SIPA1L3: variants seen among roughly 807,000 people sequenced by gnomAD.
The protein encoded by SIPA1L3 is signal-induced proliferation-associated 1-like protein 3.
Under a neutral mutation model 150.1 loss-of-function variants are expected in SIPA1L3, and 59 were observed. The observed-to-expected ratio is 0.39, with a 90% CI of 0.32 to 0.49. The LOEUF is 0.49. Among genes scored for constraint, SIPA1L3 ranks in the 20% least tolerant of loss-of-function variants. SIPA1L3 has a pLI of 0.86. For synonymous variants in SIPA1L3, 1,070 were observed against 1,077.6 expected, an observed-to-expected ratio of 0.99 and a Z score of 0.14; for missense variants, 2,211 against 2,489.5, an observed-to-expected ratio of 0.89 and a Z score of 2.38.
Position 38,082,347 on chromosome 19 carries a change from C to T in SIPA1L3, c.782C>T (p.Ser261Phe), listed in dbSNP as rs767109964. The T allele has an allele frequency of 6.3e-6, 10 of 1,598,374 alleles. No individual in the cohort carries two copies. In the East Asian group the frequency reaches 2.0e-4, roughly 32 times the overall value. Reference protein sequence around the residue: ...MGGGGGAKGDSHNGQPAKDSL... With the variant: ...MGGGGGAKGDFHNGQPAKDSL... ...GGCGGCGGCGGAGCCAAGGGGGACT[C>T]CCACAACGGGCAGCCCGCCAAGGAC... Residue 261 changes from serine to phenylalanine, a missense_variant, in exon 3 of 22, where the codon TCC becomes TTC. Around this residue, in one of 5 missense-constraint regions of SIPA1L3, gnomAD observed 587 missense variants for 534.5 expected, o/e 1.10. Transcript: ENST00000222345.
At chr19:37,950,305 G>A (rs2145551199) in intron 1 of SIPA1L3, among the ~76,000 whole-genome samples, 1 of 152,222 alleles carries the variant, frequency 6.6e-6, no homozygotes, top group African/African-American at 2.4e-5. Context: ...AGCACTCAAA[G>A]TATTAGTTTT....
intron 8 of SIPA1L3, among the ~76,000 whole-genome samples, chr19:38,114,730 C>A (rs1478310840): frequency 6.6e-6 from 1 of 152,234 alleles, no homozygotes; most frequent in African/African-American, 2.4e-5. Context: ...CATTGAGCAA[C>A]TGTGCTGGGG....
At chr19:38,153,669 CAAA>C (rs11309008) in intron 13 of SIPA1L3, among the ~76,000 whole-genome samples, 16 of 115,220 alleles carry the variant, frequency 1.4e-4, no homozygotes, top group African/African-American at 1.0e-4. Context: ...GATTCTGTCT[CAAA>C]AAAAAAAAAA....
intron 8 of SIPA1L3, among the ~76,000 whole-genome samples, chr19:38,116,537 AAAAAG>A (rs1444431949): frequency 6.7e-6 from 1 of 148,464 alleles, no homozygotes; most frequent in Non-Finnish European, 1.5e-5. Context: ...AAAAAAAAAA[AAAAAG>A]AAAGAAAGAA....
chr19:38,065,135 G>A (rs1030518724), intron 2 of SIPA1L3, among the ~76,000 whole-genome samples: 1 of 152,346 alleles, frequency 6.6e-6, no homozygotes, highest in East Asian at 1.9e-4. Context: ...TTCAGTTTAA[G>A]TATTTGGGGT....
At chr19:37,999,659 A>G (rs1394948124) in intron 1 of SIPA1L3, among the ~76,000 whole-genome samples, 1 of 152,232 alleles carries the variant, frequency 6.6e-6, no homozygotes, top group African/African-American at 2.4e-5. Context: ...GTCATCGTTT[A>G]AGAATGTTTC....
intron 17 of SIPA1L3, among the ~76,000 whole-genome samples, chr19:38,193,090 C>T (rs549045803): frequency 6.6e-6 from 1 of 152,078 alleles, no homozygotes; most frequent in Admixed American, 6.5e-5. Flanking sequence ...ACCTGTAATC[C>T]CAGCACTTTG....
At chr19:37,954,345 T>G (rs551356470) in intron 1 of SIPA1L3, among the ~76,000 whole-genome samples, 1 of 152,292 alleles carries the variant, frequency 6.6e-6, no homozygotes, top group South Asian at 2.1e-4. Flanking sequence ...CAGGCAAGTC[T>G]GGGGGTTTAA....
At chr19:38,042,572 A>G (rs758247099) in intron 2 of SIPA1L3, among the ~76,000 whole-genome samples, 7 of 152,156 alleles carry the variant, frequency 4.6e-5, no homozygotes, top group East Asian at 1.9e-4. Flanking sequence ...TGCCCAAACT[A>G]GCATCATTTA....
intron 9 of SIPA1L3, among the ~76,000 whole-genome samples, chr19:38,122,489 G>A (rs1362617902): frequency 1.3e-5 from 2 of 151,986 alleles, no homozygotes; most frequent in African/African-American, 4.8e-5. Flanking sequence ...GGTCTCTCCC[G>A]GACACTTTCG....
intron 2 of SIPA1L3, among the ~76,000 whole-genome samples, chr19:38,064,678 A>C (rs766960803): frequency 6.6e-6 from 1 of 152,192 alleles, no homozygotes; most frequent in Non-Finnish European, 1.5e-5. Flanking sequence ...CAGCCTGGGC[A>C]ACGGAGCCAG....
chr19:38,194,399 G>A (rs1157596971), intron 18 of SIPA1L3, among the ~76,000 whole-genome samples: 1 of 151,414 alleles, frequency 6.6e-6, no homozygotes, highest in Non-Finnish European at 1.5e-5. Context: ...CAGTACGTAA[G>A]TTTGCACCAT....
chr19:38,030,642 A>ATATATGTATATATATATG (rs1968630178), intron 2 of SIPA1L3, among the ~76,000 whole-genome samples: 1 of 75,326 alleles, frequency 1.3e-5, no homozygotes, highest in African/African-American at 3.9e-5. Context: ...ATATATATAT[A>ATATATGTATATATATATG]TATATATATG....
chr19:37,917,421 G>A (rs2046422885), intron 1 of SIPA1L3, among the ~76,000 whole-genome samples: 1 of 152,202 alleles, frequency 6.6e-6, no homozygotes, highest in South Asian at 2.1e-4. Flanking sequence ...AAGAGCTACT[G>A]TCCATCAAAC....
intron 10 of SIPA1L3, among the ~76,000 whole-genome samples, chr19:38,137,441 G>A (rs564184833): frequency 2.0e-5 from 3 of 151,660 alleles, no homozygotes; most frequent in African/African-American, 4.8e-5. Context: ...CACCCGCCTC[G>A]GCCTCCCAAA....
intron 1 of SIPA1L3, among the ~76,000 whole-genome samples, chr19:37,948,019 A>C (rs1172517194): frequency 6.6e-6 from 1 of 152,170 alleles, no homozygotes; most frequent in African/African-American, 2.4e-5. Flanking sequence ...AGCCCCCTCC[A>C]CGGGGCCCTG....
At chr19:38,131,467 C>T (rs2145920140) in intron 10 of SIPA1L3, among the ~76,000 whole-genome samples, 1 of 152,184 alleles carries the variant, frequency 6.6e-6, no homozygotes. Context: ...GCCCATGTGG[C>T]TGGAGCAGAG....
intron 1 of SIPA1L3, among the ~76,000 whole-genome samples, chr19:37,967,481 T>C (rs181737085): frequency 1.4e-3 from 211 of 152,248 alleles, no homozygotes; most frequent in African/African-American, 4.9e-3. Flanking sequence ...CTTGAACTCC[T>C]GACCTCATGA....
chr19:38,046,725 C>G lies in SIPA1L3; in HGVS notation c.-311+17569C>G, dbSNP rs145768040. ...CAGGTCCCCCGAGCAGCTCCTCTGACCCCGCAACCCGGCATCTCCTGTGCC... is the reference window on the plus strand; with the variant it reads ...CAGGTCCCCCGAGCAGCTCCTCTGAGCCCGCAACCCGGCATCTCCTGTGCC... On this transcript the variant is annotated intron_variant, in intron 2 of 21. Transcript: ENST00000222345. The surrounding 1 kb of genome is among the most constrained non-coding windows in gnomAD (Gnocchi z 5.6). 0.019 allele frequency among the ~76,000 whole-genome samples: 2,843 copies of G among 152,300 alleles called. 32 individuals are homozygous for G. Among genetic ancestry groups the G allele is most frequent in the Middle Eastern group, 0.054 (16 of 294 alleles).
Sources: gnomAD v4.1 joint callset for allele counts (sites outside exome capture counted in the v4.1 genomes callset) on GRCh38, gnomAD v4.1.1 for gene constraint, gnomAD v4.1.1 regional missense constraint, Gnocchi (gnomAD v3.1) non-coding constraint, MANE v1.5 for transcripts, NCBI Gene and HGNC (gene_info 2026-07-23, HGNC 2026-07-21) for gene names.